SYNPR: variants seen among roughly 807,000 people sequenced by gnomAD.
SYNPR encodes the protein synaptoporin.
Under a neutral mutation model 32.9 loss-of-function variants are expected in SYNPR, and 23 were observed. The ratio of observed to expected loss-of-function variants is 0.70; its 90% CI spans 0.50 to 0.99. SYNPR has a LOEUF of 0.99. Ranked by LOEUF, SYNPR falls within the 50% of genes least tolerant of loss-of-function variation. SYNPR has a pLI of 0.00. For missense variants in SYNPR, 318 were observed against 349.3 expected (o/e 0.91, Z 0.71); for synonymous variants, 146 against 135.9 (o/e 1.07, Z -0.52).
intron 2 of SYNPR, among the ~76,000 whole-genome samples, chr3:63,314,584 T>C (rs2087021177): frequency 6.6e-6 from 1 of 152,108 alleles, no homozygotes; most frequent in African/African-American, 2.4e-5. Context: ...GTATTTTTTC[T>C]TACTGATTTG....
intron 3 of SYNPR, among the ~76,000 whole-genome samples, chr3:63,514,153 C>T (rs1226204967): frequency 6.6e-6 from 1 of 152,152 alleles, no homozygotes; most frequent in African/African-American, 2.4e-5. Context: ...ATAATCAAAG[C>T]ACACAAATGT....
chr3:63,330,814 G>A (rs1435959988), intron 2 of SYNPR, among the ~76,000 whole-genome samples: 1 of 152,134 alleles, frequency 6.6e-6, no homozygotes, highest in African/African-American at 2.4e-5. Flanking sequence ...ACTTGCAGTT[G>A]AAGAGCTAGC....
upstream of SYNPR, among the ~76,000 whole-genome samples, chr3:63,224,023 C>T (rs571034142): frequency 3.9e-5 from 6 of 152,294 alleles, no homozygotes; most frequent in African/African-American, 9.6e-5. Flanking sequence ...AAAAAGTTTA[C>T]AGTCTATTAG....
chr3:63,368,308 C>T (rs993468903), intron 2 of SYNPR, among the ~76,000 whole-genome samples: 1 of 152,060 alleles, frequency 6.6e-6, no homozygotes, highest in African/African-American at 2.4e-5. Flanking sequence ...AGTGGTAATG[C>T]CAGGCTTTGA....
intron 2 of SYNPR, among the ~76,000 whole-genome samples, chr3:63,395,810 G>A (rs2088205716): frequency 1.3e-5 from 2 of 151,652 alleles, no homozygotes; most frequent in South Asian, 2.1e-4. Context: ...ATACTTAAAT[G>A]TTCTTTTTTT....
chr3:63,250,276 C>T (rs886280702), intron 1 of SYNPR, among the ~76,000 whole-genome samples: 4 of 151,774 alleles, frequency 2.6e-5, no homozygotes, highest in African/African-American at 9.7e-5. Context: ...AAATACCAGT[C>T]AGTATCTCAT....
chr3:63,577,313 G>A (rs573481577), intron 4 of SYNPR, among the ~76,000 whole-genome samples: 14 of 152,320 alleles, frequency 9.2e-5, no homozygotes, highest in East Asian at 1.9e-4. Context: ...AAAATACTGC[G>A]CTAGGCCCTG....
intron 4 of SYNPR, among the ~76,000 whole-genome samples, chr3:63,557,329 T>C (rs1353425116): frequency 6.6e-6 from 1 of 152,190 alleles, no homozygotes; most frequent in Non-Finnish European, 1.5e-5. Context: ...ATTTCACCCT[T>C]TACATGTGCA....
intron 2 of SYNPR, among the ~76,000 whole-genome samples, chr3:63,404,543 A>G (rs1417802056): frequency 2.6e-5 from 4 of 152,142 alleles, no homozygotes; most frequent in Admixed American, 1.3e-4. Context: ...TTTTCCTTAG[A>G]ACTGGGTCAG....
At chr3:63,224,058 A>G (rs762671099), upstream of SYNPR, among the ~76,000 whole-genome samples, 1 of 152,214 alleles carries the variant, frequency 6.6e-6, no homozygotes, top group African/African-American at 2.4e-5. Context: ...CAAATTGTTT[A>G]TGGTTCAAAA....
intron 3 of SYNPR, among the ~76,000 whole-genome samples, chr3:63,487,059 C>T (rs1701169608): frequency 6.6e-6 from 1 of 152,088 alleles, no homozygotes; most frequent in Non-Finnish European, 1.5e-5. Context: ...CCTTTCTCCT[C>T]GAAGGTTTGG....
At chr3:63,389,818 C>T (rs1481736506) in intron 2 of SYNPR, among the ~76,000 whole-genome samples, 1 of 152,112 alleles carries the variant, frequency 6.6e-6, no homozygotes, top group Non-Finnish European at 1.5e-5. Context: ...CTCTTTCTTT[C>T]ACTGTTCTCA....
At chr3:63,303,138 T>C (rs999542607) in intron 2 of SYNPR, among the ~76,000 whole-genome samples, 15 of 151,860 alleles carry the variant, frequency 9.9e-5, no homozygotes, top group African/African-American at 3.6e-4. Flanking sequence ...TGTATTGAAA[T>C]ACTGGCTTTG....
rs185736883 is a variant in SYNPR at position 63,521,452 on chromosome 3, A to G, written c.210-35091A>G. On this transcript the variant is annotated intron_variant, in intron 3 of 5. Coordinates refer to ENST00000478300, the MANE Select transcript of SYNPR (RefSeq NM_001130003.2). Reference sequence around the variant, plus strand: ...CGTGCTGAGTACCAGGCACTGTTCTAAGCACTTTTACAAATATTAAGTCAG... The same window carrying G: ...CGTGCTGAGTACCAGGCACTGTTCTGAGCACTTTTACAAATATTAAGTCAG... Among the ~76,000 whole-genome samples, 717 of 152,314 alleles carry G rather than the reference A, an allele frequency of 4.7e-3. 13 individuals are homozygous for G. Among genetic ancestry groups the G allele is most frequent in the Non-Finnish European group, 5.9e-3 (398 of 68,024 alleles).
chr3:63,481,798 A>G (rs938201555), intron 3 of SYNPR, among the ~76,000 whole-genome samples: 7 of 152,106 alleles, frequency 4.6e-5, no homozygotes, highest in Non-Finnish European at 7.4e-5. Flanking sequence ...GGCCAAGCCA[A>G]CGCATGCTTT....
chr3:63,555,634 A>T (rs1702583104), intron 3 of SYNPR, among the ~76,000 whole-genome samples: 1 of 152,188 alleles, frequency 6.6e-6, no homozygotes, highest in Non-Finnish European at 1.5e-5. Flanking sequence ...ACTCACTAAA[A>T]TAGAAGTTAT....
intron 2 of SYNPR, among the ~76,000 whole-genome samples, chr3:63,369,628 G>T (rs577707156): frequency 6.6e-6 from 1 of 152,278 alleles, no homozygotes; most frequent in South Asian, 2.1e-4. Context: ...TCGTAAGATG[G>T]AATCAATTTT....
chr3:63,279,143 G>C (rs147301367), intron 2 of SYNPR, among the ~76,000 whole-genome samples: 99 of 152,276 alleles, frequency 6.5e-4, no homozygotes, highest in African/African-American at 2.2e-3. Context: ...TAGTTGAGCG[G>C]AGGAGCCGGG....
intron 3 of SYNPR, among the ~76,000 whole-genome samples, chr3:63,519,208 G>A (rs894557852): frequency 6.6e-6 from 1 of 152,020 alleles, no homozygotes; most frequent in Admixed American, 6.6e-5. Flanking sequence ...CAGGGATATT[G>A]GCCCAAGTTT....
Sources: allele counts gnomAD v4.1 joint callset (sites outside exome capture counted in the v4.1 genomes callset), GRCh38; gene constraint gnomAD v4.1.1; transcripts MANE v1.5; gene names NCBI Gene and HGNC (gene_info 2026-07-23, HGNC 2026-07-21).